CCDC170: variants seen among roughly 807,000 people sequenced by gnomAD.
The protein encoded by CCDC170 is coiled-coil domain-containing protein 170.
Under a neutral mutation model 72.6 loss-of-function variants are expected in CCDC170, and 69 were observed. That is an observed-to-expected ratio of 0.95 (90% confidence interval 0.78 to 1.16). The LOEUF (loss-of-function observed/expected upper bound fraction) is 1.16. CCDC170 is among the 50% of genes most tolerant of loss of function. The pLI is 0.00. For synonymous variants in CCDC170, 300 were observed against 303.9 expected (o/e 0.99, Z 0.13); for missense variants, 852 against 832.5 (o/e 1.02, Z -0.29).
rs569745970 is a variant in CCDC170 at position 151,608,449 on chromosome 6, A to G, written c.1711-6994A>G. On this transcript the variant is annotated intron_variant, in intron 9 of 10. Coordinates refer to ENST00000239374, the MANE Select transcript of CCDC170 (RefSeq NM_025059.4). The stretch of plus-strand genomic sequence containing the variant: ...CAAACACTTCTTCCAATTTTATGAA[A>G]CCGCTTTTGTAGGGAAAGACTTTTT... Among the ~76,000 whole-genome samples the G allele has an allele frequency of 5.3e-5, 8 of 152,230 alleles. No individual in the cohort carries two copies. The South Asian group carries it at 1.5e-3, about 28-fold the overall frequency.
chr6:151,567,178 C>T (rs1326762164), intron 5 of CCDC170, among the ~76,000 whole-genome samples: 1 of 152,164 alleles, frequency 6.6e-6, no homozygotes, highest in Admixed American at 6.5e-5. Context: ...CTCGGCCTCT[C>T]AAAGTGCTGG....
rs769876199 is a variant in CCDC170, at chr6:151,586,060, C to A, written c.1264C>A (p.Arg422=). 1 of 1,614,022 alleles carries A rather than the reference C, an allele frequency of 6.2e-7. No homozygotes were observed. The highest frequency in any genetic ancestry group is 8.5e-7 in the Non-Finnish European group (1 of 1,179,972). Residue 422 remains arginine, a synonymous_variant, in exon 7 of 11, where the codon CGA becomes AGA. Coordinates refer to ENST00000239374, the MANE Select transcript of CCDC170 (RefSeq NM_025059.4). ...AGAGCTGGTTTCTGGAGGTGTTTTG[C>A]GAGACAACTTGAATTTTGAGAAACA... ...EAELVSGGVL[R]DNLNFEKQKY...
intron 3 of CCDC170, among the ~76,000 whole-genome samples, chr6:151,541,244 C>T (rs1322909141): frequency 1.3e-5 from 2 of 152,160 alleles, no homozygotes; most frequent in Non-Finnish European, 2.9e-5. Context: ...AAAATTTACT[C>T]CTCTAATATC....
intron 5 of CCDC170, among the ~76,000 whole-genome samples, chr6:151,553,289 A>C (rs1266548523): frequency 2.0e-5 from 3 of 152,214 alleles, no homozygotes; most frequent in Non-Finnish European, 4.4e-5. Context: ...CCATATCATT[A>C]CATTATTGTA....
intron 6 of CCDC170, among the ~76,000 whole-genome samples, chr6:151,577,436 T>C (rs942807643): frequency 6.6e-6 from 1 of 152,372 alleles, no homozygotes; most frequent in Admixed American, 6.5e-5. Context: ...AGCAGTTGTT[T>C]ATGAAATAAT....
chr6:151,527,760 C>T (rs909445552), intron 1 of CCDC170, among the ~76,000 whole-genome samples: 6 of 151,850 alleles, frequency 4.0e-5, no homozygotes, highest in African/African-American at 1.5e-4. Context: ...AATGGAAGAG[C>T]CTGCGGTAAT....
chr6:151,525,010 GCAA>G (rs1475577365), intron 1 of CCDC170, among the ~76,000 whole-genome samples: 1 of 137,978 alleles, frequency 7.2e-6, no homozygotes, highest in East Asian at 2.2e-4. Context: ...TCGGCTCACT[GCAA>G]ACTCCGCCTC....
chr6:151,557,144 C>A (rs921458836), intron 5 of CCDC170, among the ~76,000 whole-genome samples: 2 of 152,124 alleles, frequency 1.3e-5, no homozygotes, highest in African/African-American at 4.8e-5. Context: ...CGCAGAGGCT[C>A]ACACCTGTAA....
intron 6 of CCDC170, among the ~76,000 whole-genome samples, chr6:151,579,593 A>C (rs1204782279): frequency 6.6e-6 from 1 of 152,194 alleles, no homozygotes; most frequent in East Asian, 1.9e-4. Flanking sequence ...CCTCAGGTCC[A>C]GATGGGGTGA....
intron 9 of CCDC170, among the ~76,000 whole-genome samples, chr6:151,612,819 T>C (rs1459316304): frequency 6.6e-6 from 1 of 151,938 alleles, no homozygotes; most frequent in African/African-American, 2.4e-5. Flanking sequence ...TCTGTTACTT[T>C]CTTACTTGTT....
At chr6:151,511,960 C>T (rs576473571) in intron 1 of CCDC170, among the ~76,000 whole-genome samples, 1 of 152,176 alleles carries the variant, frequency 6.6e-6, no homozygotes, top group Admixed American at 6.5e-5. Context: ...CCATCTCCCA[C>T]CTCAGCCTCC....
chr6:151,602,831 G>A (rs918486375), intron 9 of CCDC170, among the ~76,000 whole-genome samples: 4 of 146,548 alleles, frequency 2.7e-5, no homozygotes, highest in African/African-American at 5.1e-5. Context: ...ATGGAGTTCC[G>A]CTCTTGTTGC....
chr6:151,534,124 G>A (rs945260817), intron 1 of CCDC170, among the ~76,000 whole-genome samples: 2 of 149,660 alleles, frequency 1.3e-5, no homozygotes, highest in Non-Finnish European at 3.0e-5. Context: ...GAGTGCAGTG[G>A]TGCGATCACA....
intron 5 of CCDC170, among the ~76,000 whole-genome samples, chr6:151,562,484 A>G (rs887745030): frequency 6.6e-6 from 1 of 152,120 alleles, no homozygotes; most frequent in Non-Finnish European, 1.5e-5. Context: ...AAAGTGCTGT[A>G]TATGTTCCTT....
At chr6:151,578,424 A>G (rs900412013) in intron 6 of CCDC170, among the ~76,000 whole-genome samples, 5 of 152,144 alleles carry the variant, frequency 3.3e-5, no homozygotes, top group Non-Finnish European at 5.9e-5. Context: ...TTGTAGGGAT[A>G]GTGTTCTTCC....
intron 1 of CCDC170, among the ~76,000 whole-genome samples, chr6:151,532,732 C>A (rs1469705594): frequency 6.6e-6 from 1 of 152,092 alleles, no homozygotes; most frequent in East Asian, 1.9e-4. Flanking sequence ...ATTAACATGA[C>A]CCCAGTAACA....
At position 151,619,518 on chromosome 6, in the gene CCDC170, A is replaced by G. The variant is rs1048599193; in HGVS notation, c.*1371A>G. 1 of 152,220 alleles carries G rather than the reference A, an allele frequency of 6.6e-6. No individual in the cohort carries two copies. Among genetic ancestry groups the G allele is most frequent in the Non-Finnish European group, 1.5e-5 (1 of 68,042 alleles). The allele number at this position is 152,220 out of a possible 1,614,324, so 9.4% of individuals were successfully genotyped here. ...TATTGTCCTTAAAAGAAGCTCTAGC[A>G]TGAAATTAAAGGAAAGGGAAAGAAA... On this transcript the variant is annotated 3_prime_UTR_variant, in exon 11 of 11. Coordinates refer to ENST00000239374, the MANE Select transcript of CCDC170 (RefSeq NM_025059.4).
At position 151,558,096 on chromosome 6, in the gene CCDC170, T is replaced by TTAAA. The variant is rs374360621; in HGVS notation, c.774+9628_774+9631dup. ...CCTGGTGACAGATCGAGACTCTATC[T>TTAAA]TAAATAAATAAATAAATAAATAAAC... On this transcript the variant is annotated intron_variant, in intron 5 of 10. Transcript: ENST00000239374. 9.5e-4 allele frequency among the ~76,000 whole-genome samples: 145 copies of TTAAA among 152,210 alleles called. 1 individual carries two copies. The highest frequency in any genetic ancestry group is 1.4e-3 in the Non-Finnish European group (95 of 67,998).
chr6:151,523,087 A>C (rs1165186053), intron 1 of CCDC170, among the ~76,000 whole-genome samples: 1 of 152,170 alleles, frequency 6.6e-6, no homozygotes, highest in Non-Finnish European at 1.5e-5. Flanking sequence ...AGACATGGGA[A>C]GATTACATAC....
Sources: gnomAD v4.1 joint callset for allele counts (sites outside exome capture counted in the v4.1 genomes callset) on GRCh38, gnomAD v4.1.1 for gene constraint, MANE v1.5 for transcripts, NCBI Gene and HGNC (gene_info 2026-07-23, HGNC 2026-07-21) for gene names.